The following LIMS4 variants were observed in gnomAD, a reference collection of about 807,000 sequenced individuals.
LIMS4 encodes the protein LIM zinc finger domain containing 4, also known as LIM and senescent cell antigen-like-containing domain protein 4.
chr2:110,368,892 GTT>G, the LIMS4 span, among the ~76,000 whole-genome samples: 135 of 134,874 alleles, frequency 1.0e-3, 1 homozygote, highest in African/African-American at 3.9e-3. Flanking sequence ...GTATGTAAAG[GTT>G]TTTTTTTTTT....
chr2:110,424,694 G>A, the LIMS4 span, among the ~76,000 whole-genome samples: 1 of 144,234 alleles, frequency 6.9e-6, no homozygotes, highest in African/African-American at 2.8e-5. Flanking sequence ...CAGCATTCTG[G>A]GAGGCCAAGG....
chr2:110,390,362 G>C, the LIMS4 span, among the ~76,000 whole-genome samples: 1 of 132,132 alleles, frequency 7.6e-6, no homozygotes, highest in Non-Finnish European at 1.6e-5. Flanking sequence ...CCTGGATGTG[G>C]TGAGGAGGCC....
chr2:110,411,458 G>A, the LIMS4 span, among the ~76,000 whole-genome samples: 34 of 136,136 alleles, frequency 2.5e-4, 5 homozygotes, highest in African/African-American at 9.4e-4. Flanking sequence ...TGACATTGAG[G>A]CTTTTTAAAA....
the LIMS4 span, among the ~76,000 whole-genome samples, chr2:110,364,833 AAAAC>A: frequency 2.3e-4 from 33 of 142,104 alleles, 4 homozygotes; most frequent in African/African-American, 7.9e-4. Flanking sequence ...AAACAAAAAC[AAAAC>A]AAACAAACAA....
At chr2:110,371,223 G>A in the LIMS4 span, among the ~76,000 whole-genome samples, 8 of 89,142 alleles carry the variant, frequency 9.0e-5, no homozygotes, top group Non-Finnish European at 1.3e-4. Context: ...TTACTGTTTC[G>A]TTTCTATTAA....
At chr2:110,419,588 C>T in the LIMS4 span, among the ~76,000 whole-genome samples, 1 of 18,408 alleles carries the variant, frequency 5.4e-5, no homozygotes, top group African/African-American at 3.7e-4. Flanking sequence ...TGCAGTGAGC[C>T]GAGATCGCGC....
chr2:110,387,908 A>C, the LIMS4 span: 1 of 151,496 alleles, frequency 6.6e-6, no homozygotes, highest in Non-Finnish European at 1.5e-5. Context: ...AGATTCTGCT[A>C]TCGTAAGTTT....
the LIMS4 span, among the ~76,000 whole-genome samples, chr2:110,366,129 A>G: frequency 1.3e-5 from 2 of 150,470 alleles, no homozygotes; most frequent in Non-Finnish European, 2.9e-5. Flanking sequence ...AAGAGCTGCT[A>G]CCATCCCTGC....
the LIMS4 span, among the ~76,000 whole-genome samples, chr2:110,373,779 G>T: frequency 1.3e-5 from 2 of 149,112 alleles, no homozygotes; most frequent in Non-Finnish European, 2.9e-5. Flanking sequence ...CCTGTGGTGG[G>T]TGATGTCTAC....
chr2:110,424,559 C>A, the LIMS4 span, among the ~76,000 whole-genome samples: 2 of 144,936 alleles, frequency 1.4e-5, no homozygotes, highest in African/African-American at 5.5e-5. Context: ...TGACTCCTCC[C>A]AGAGGAGGGA....
chr2:110,360,776 G>A, the LIMS4 span: 2 of 1,552,878 alleles, frequency 1.3e-6, no homozygotes, highest in Admixed American at 1.8e-5. Context: ...TTGTTCTCCT[G>A]TTGGTTATCT....
the LIMS4 span, chr2:110,360,741 G>A: frequency 2.5e-6 from 4 of 1,604,004 alleles, no homozygotes; most frequent in Middle Eastern, 2.3e-4. Context: ...TGGCGCCATT[G>A]GGAGATTCAT....
At chr2:110,390,993 C>G in the LIMS4 span, among the ~76,000 whole-genome samples, 1 of 152,258 alleles carries the variant, frequency 6.6e-6, no homozygotes, top group Non-Finnish European at 1.5e-5. Flanking sequence ...GACAGTCATG[C>G]CATGAGCAGA....
At chr2:110,407,587 T>C in the LIMS4 span, among the ~76,000 whole-genome samples, 1 of 132,840 alleles carries the variant, frequency 7.5e-6, no homozygotes, top group African/African-American at 2.8e-5. Context: ...ATTGAATGCT[T>C]CCCTGCGTGT....
the LIMS4 span, chr2:110,433,634 CT>C: frequency 5.1e-5 from 7 of 136,560 alleles, no homozygotes; most frequent in East Asian, 1.3e-3. Context: ...CCATCTTCCC[CT>C]GATCTCAACA....
In LIMS4 at chr2:110,453,759, GGT is replaced by G. The variant is rs1175950547; in HGVS notation, c.680+1090_680+1091del. 6.7e-5 allele frequency among the ~76,000 whole-genome samples: 10 copies of G among 148,220 alleles called. No homozygotes were observed. The East Asian group carries it at 1.8e-3, about 27-fold the overall frequency. On this transcript the variant is annotated intron_variant, in intron 5 of 9. Coordinates refer to ENST00000632897, the MANE Select transcript of LIMS4 (RefSeq NM_001371340.3). Reference sequence around the variant, plus strand: ...GGGGTTTCACCGTGTTAGCCAGGATGGTCTCGATCTCCTGTCCTCGTGATTTG... The same window carrying G: ...GGGGTTTCACCGTGTTAGCCAGGATGCTCGATCTCCTGTCCTCGTGATTTG...
At chr2:110,372,314 GTT>G in the LIMS4 span, among the ~76,000 whole-genome samples, 1 of 127,692 alleles carries the variant, frequency 7.8e-6, no homozygotes. Context: ...TTTCAGCTCT[GTT>G]TGCAATTTTC....
the LIMS4 span, among the ~76,000 whole-genome samples, chr2:110,407,573 A>G: frequency 7.7e-6 from 1 of 129,348 alleles, no homozygotes; most frequent in East Asian, 2.1e-4. Flanking sequence ...ATCTTAATCT[A>G]TTTATTGAAT....
At chr2:110,386,709 C>T in the LIMS4 span, 617 of 818,648 alleles carry the variant, frequency 7.5e-4, 24 homozygotes, top group Non-Finnish European at 1.1e-3. Context: ...TGCCAAGGAG[C>T]GTGGCTGCTG....
Sources: allele counts gnomAD v4.1 joint callset (sites outside exome capture counted in the v4.1 genomes callset), GRCh38; gene constraint gnomAD v4.1.1; transcripts MANE v1.5; gene names NCBI Gene and HGNC (gene_info 2026-07-23, HGNC 2026-07-21).